Variants in IL1RAPL2 observed in about 807,000 individuals in gnomAD.
IL1RAPL2 encodes the protein interleukin 1 receptor accessory protein like 2.
IL1RAPL2 carries 3 observed loss-of-function variants against 44.1 expected under a neutral mutation model. The ratio of observed to expected loss-of-function variants is 0.07; its 90% CI spans 0.03 to 0.18. The LOEUF (loss-of-function observed/expected upper bound fraction) is 0.18. Among genes scored for constraint, IL1RAPL2 ranks in the 10% least tolerant of loss-of-function variants. The pLI, the probability that IL1RAPL2 is intolerant of heterozygous loss-of-function variation, is 1.00. For synonymous variants in IL1RAPL2, 181 were observed against 178.8 expected, an observed-to-expected ratio of 1.01 and a Z score of -0.10; for missense variants, 391 against 496.4, an observed-to-expected ratio of 0.79 and a Z score of 2.02.
At chrX:105,728,252 C>T (rs1272601974) in intron 7 of IL1RAPL2, among the ~76,000 whole-genome samples, 2 of 111,607 alleles carry the variant, frequency 1.8e-5, no homozygotes, top group East Asian at 2.8e-4. Flanking sequence ...TTGCCTTCTC[C>T]GAAATTTCAA....
intron 6 of IL1RAPL2, among the ~76,000 whole-genome samples, chrX:105,627,400 G>C (rs2037460632): frequency 2.7e-5 from 3 of 111,582 alleles, no homozygotes; most frequent in Non-Finnish European, 5.6e-5. Context: ...CCACCAAAGA[G>C]AGAAGGTGAG....
Position 105,107,018 on chromosome X carries a change from C to T in IL1RAPL2, c.83-88457C>T, listed in dbSNP as rs185432540. Among the ~76,000 whole-genome samples the T allele has an allele frequency of 4.6e-3, 515 of 111,632 alleles. 6 individuals carry two copies. The highest frequency in any genetic ancestry group is 0.015 in the African/African-American group (468 of 30,760). On this transcript the variant is annotated intron_variant, in intron 2 of 10. Coordinates refer to ENST00000372582, the MANE Select transcript of IL1RAPL2 (RefSeq NM_017416.2). ...AACTGATTATAATGATATGTCTATT[C>T]CCAGTAAGCATTTCCAACCACAGGC...
intron 5 of IL1RAPL2, among the ~76,000 whole-genome samples, chrX:105,314,105 A>G (rs1044955397): frequency 3.6e-5 from 4 of 111,939 alleles, no homozygotes; most frequent in African/African-American, 6.5e-5. Context: ...ATAATCTTTT[A>G]TGAATCATTT....
At chrX:104,947,630 C>T (rs1246125436) in intron 2 of IL1RAPL2, among the ~76,000 whole-genome samples, 3 of 105,586 alleles carry the variant, frequency 2.8e-5, no homozygotes, top group Non-Finnish European at 5.8e-5. Context: ...CAGCTTTCTA[C>T]ATATGGCTAG....
chrX:105,239,990 A>G (rs5962267), intron 4 of IL1RAPL2, among the ~76,000 whole-genome samples: 28,805 of 111,876 alleles, frequency 0.26, 7,712 homozygotes, highest in African/African-American at 0.82. Context: ...TGTTTAAATG[A>G]CCCATCAGGT....
chrX:105,039,081 A>C (rs1195932837), intron 2 of IL1RAPL2, among the ~76,000 whole-genome samples: 1 of 111,764 alleles, frequency 8.9e-6, no homozygotes, highest in Admixed American at 9.6e-5. Flanking sequence ...GTGGTAATTT[A>C]TAAGGGAAGA....
chrX:105,420,743 G>T (rs889408964), intron 5 of IL1RAPL2, among the ~76,000 whole-genome samples: 4 of 111,719 alleles, frequency 3.6e-5, no homozygotes, highest in African/African-American at 1.3e-4. Context: ...CCACTTAAAT[G>T]ACAGCAACAC....
chrX:104,623,997 A>G (rs1196697054), intron 1 of IL1RAPL2, among the ~76,000 whole-genome samples: 3 of 112,041 alleles, frequency 2.7e-5, no homozygotes, highest in Admixed American at 1.9e-4. Flanking sequence ...TATACTTTGT[A>G]AGTGGTTTAG....
intron 2 of IL1RAPL2, 49 bp downstream of exon 2, chrX:104,659,044 G>C: frequency 1.1e-6 from 1 of 930,039 alleles, no homozygotes; most frequent in Non-Finnish European, 1.5e-6. Context: ...GTACAGTTTT[G>C]TGAGCACCCA....
chrX:105,658,239 G>T (rs1309823042), intron 6 of IL1RAPL2, among the ~76,000 whole-genome samples: 1 of 111,231 alleles, frequency 9.0e-6, no homozygotes, highest in Non-Finnish European at 1.9e-5. Flanking sequence ...CATTTGTTTA[G>T]GGGAAAGTAA....
At chrX:104,761,063 A>G (rs1344576498) in intron 2 of IL1RAPL2, among the ~76,000 whole-genome samples, 1 of 111,488 alleles carries the variant, frequency 9.0e-6, no homozygotes, top group Non-Finnish European at 1.9e-5. Flanking sequence ...TGTTCTTGGC[A>G]TCTTTGTCAA....
chrX:105,207,912 C>T (rs181001648), intron 3 of IL1RAPL2, among the ~76,000 whole-genome samples: 12 of 112,130 alleles, frequency 1.1e-4, no homozygotes, highest in Admixed American at 7.6e-4. Flanking sequence ...GAAAGTGATA[C>T]GTGCTATAGG....
At chrX:104,861,501 C>T (rs777087570) in intron 2 of IL1RAPL2, among the ~76,000 whole-genome samples, 4 of 111,399 alleles carry the variant, frequency 3.6e-5, no homozygotes, top group South Asian at 3.8e-4. Context: ...AAGCAATACA[C>T]GCCTCTACTT....
intron 2 of IL1RAPL2, among the ~76,000 whole-genome samples, chrX:104,905,696 G>T (rs1425971968): frequency 9.0e-6 from 1 of 111,230 alleles, no homozygotes; most frequent in Non-Finnish European, 1.9e-5. Flanking sequence ...ATGCTGTTTT[G>T]GTTACTGTAG....
chrX:104,606,193 C>T (rs1929006184), intron 1 of IL1RAPL2, among the ~76,000 whole-genome samples: 1 of 112,005 alleles, frequency 8.9e-6, no homozygotes. Flanking sequence ...CATAATCCAT[C>T]ACATAAATAG....
intron 2 of IL1RAPL2, among the ~76,000 whole-genome samples, chrX:104,779,358 C>T (rs773726803): frequency 2.1e-4 from 24 of 111,671 alleles, no homozygotes; most frequent in African/African-American, 7.2e-4. Context: ...CATCGTCTTC[C>T]AGGTACAAAC....
At chrX:104,917,137 A>C (rs1304693957) in intron 2 of IL1RAPL2, among the ~76,000 whole-genome samples, 1 of 111,724 alleles carries the variant, frequency 9.0e-6, no homozygotes, top group Non-Finnish European at 1.9e-5. Context: ...TAGTTTCAGA[A>C]GGAATGGTAC....
rs775194372 is a variant in IL1RAPL2, at chrX:105,121,658, TTTTTG to T, written c.83-73804_83-73800del. Among the ~76,000 whole-genome samples, 49 of 111,622 alleles carry T rather than the reference TTTTTG, an allele frequency of 4.4e-4. No individual in the cohort carries two copies. In the East Asian group the frequency reaches 7.6e-3, roughly 17 times the overall value. On this transcript the variant is annotated intron_variant, in intron 2 of 10. Transcript: ENST00000372582. ...GAAGCAATTGATTGTATTGGAGACA[TTTTTG>T]TTTTGTTTTGTTCTAAATTCAAGTG...
chrX:105,212,295 T>A (rs1047135768), intron 3 of IL1RAPL2, among the ~76,000 whole-genome samples: 2 of 111,896 alleles, frequency 1.8e-5, no homozygotes, highest in Non-Finnish European at 3.8e-5. Flanking sequence ...GTGTTCGCTG[T>A]TACTGAGGCT....
Sources: allele counts gnomAD v4.1 joint callset (sites outside exome capture counted in the v4.1 genomes callset), GRCh38; gene constraint gnomAD v4.1.1; transcripts MANE v1.5; gene names NCBI Gene and HGNC (gene_info 2026-07-23, HGNC 2026-07-21).